MEF2D: variants seen among roughly 807,000 people sequenced by gnomAD.
MEF2D encodes myocyte-specific enhancer factor 2D.
A neutral mutation model predicts 59.3 loss-of-function variants in MEF2D; 10 were observed. That is an observed-to-expected ratio of 0.17 (90% CI 0.10 to 0.29). MEF2D has a LOEUF of 0.29. Among genes scored for constraint, MEF2D ranks in the 10% least tolerant of loss-of-function variants. MEF2D has a pLI of 1.00. For synonymous variants in MEF2D, 305 were observed against 295.0 expected (o/e 1.03, Z -0.35); for missense variants, 508 against 699.4 (o/e 0.73, Z 3.09).
chr1:156,473,415 TTA>T (rs1015350773), intron 9 of MEF2D, among the ~76,000 whole-genome samples: 15 of 152,234 alleles, frequency 9.9e-5, no homozygotes, highest in African/African-American at 3.6e-4. Flanking sequence ...GGGGAGAAGT[TTA>T]TGAGTCTTTT....
intron 6 of MEF2D, 81 bp from the exon 7 acceptor site, chr1:156,477,283 C>G: frequency 8.0e-7 from 1 of 1,252,630 alleles, no homozygotes; most frequent in South Asian, 1.5e-5. Context: ...CACCAATACT[C>G]CTGTTACCCG....
At position 156,482,629 on chromosome 1, in the gene MEF2D, G is replaced by C. The variant is rs377540841; in HGVS notation, c.66C>G (p.Thr22=). Residue 22 remains threonine (T), a synonymous_variant, in exon 3 of 12, where the codon ACC becomes ACG. Coordinates refer to ENST00000348159, the MANE Select transcript of MEF2D (RefSeq NM_005920.4). ...TDERNRQVTF[T]KRKFGLMKKA... is the part of the protein sequence containing the mutation. Reference sequence around the variant, plus strand: ...TCTTCATCAGGCCAAACTTCCGCTTGGTGAAAGTCACCTGCAGAGAAGGAT... The same window carrying C: ...TCTTCATCAGGCCAAACTTCCGCTTCGTGAAAGTCACCTGCAGAGAAGGAT... 18 of 1,614,104 alleles carry C rather than the reference G, an allele frequency of 1.1e-5. No homozygotes were observed. Among genetic ancestry groups the C allele is most frequent in the Non-Finnish European group, 1.4e-5 (17 of 1,180,050 alleles).
At chr1:156,481,380 G>C (rs927571700) in intron 3 of MEF2D, among the ~76,000 whole-genome samples, 1 of 152,144 alleles carries the variant, frequency 6.6e-6, no homozygotes, top group Admixed American at 6.5e-5. Flanking sequence ...AGTTCTCCAG[G>C]GGGAGGTAGG....
intron 1 of MEF2D, among the ~76,000 whole-genome samples, chr1:156,491,357 G>T (rs931835280): frequency 6.6e-6 from 1 of 152,228 alleles, no homozygotes; most frequent in Admixed American, 6.5e-5. Context: ...GGCCCAAAGG[G>T]AAGGGAGATC....
At position 156,465,619 on chromosome 1, in the gene MEF2D, G is replaced by A. The variant is rs540413523; in HGVS notation, c.*2026C>T. ...ACCCAGCCAGGGTCAGAGACACACA[G>A]AGGCACACCCGTGCAACCACACACA... On this transcript the variant is annotated 3_prime_UTR_variant, in exon 12 of 12. Coordinates refer to ENST00000348159, the MANE Select transcript of MEF2D (RefSeq NM_005920.4). 1.0e-4 allele frequency: 16 copies of A among 152,704 alleles called. No individual in the cohort carries two copies. Among genetic ancestry groups the A allele is most frequent in the East Asian group, 3.9e-4 (2 of 5,184 alleles). The allele number at this position is 152,704 out of a possible 1,614,324, so 9.5% of individuals were successfully genotyped here.
In MEF2D at chr1:156,477,218, C is replaced by G. The variant is rs763907996; in HGVS notation, c.665-16G>C. 1 of 1,576,412 alleles carries G rather than the reference C, an allele frequency of 6.3e-7. No homozygotes were observed. ...TAGCCATTCCCTGGAGAAGTGACAACAAGAGGGTAAAAGGAAAAACATGGG... is the reference window on the plus strand; with the variant it reads ...TAGCCATTCCCTGGAGAAGTGACAAGAAGAGGGTAAAAGGAAAAACATGGG... On this transcript the variant is annotated splice_polypyrimidine_tract_variant and intron_variant, in intron 6 of 11. Coordinates refer to ENST00000348159, the MANE Select transcript of MEF2D (RefSeq NM_005920.4).
At position 156,468,258 on chromosome 1, in the gene MEF2D, A is replaced by C; in HGVS notation, c.1289T>G (p.Val430Gly). 6.3e-7 allele frequency: 1 copy of C among 1,585,904 alleles called. No individual in the cohort carries two copies. Among genetic ancestry groups the C allele is most frequent in the Non-Finnish European group, 8.6e-7 (1 of 1,163,728 alleles). Residue 430 changes from valine (V) to glycine (G), a missense_variant, in exon 11 of 12, where the codon GTC becomes GGC. This residue lies in a region of MEF2D where 481 missense variants were observed against 584.7 expected (regional missense o/e 0.82). Coordinates refer to ENST00000348159, the MANE Select transcript of MEF2D (RefSeq NM_005920.4). This position sits in a 1 kb window ranked among gnomAD's most constrained non-coding sequence, Gnocchi z 4.3. ...GATGCTGATGTGGGGGTGGGTGGTG[A>C]CTGTGAGGGCAGCACCCACGTGGGG... ...PLPHVGAALTVTTHPHISIKS... is the reference protein window; with the variant it reads ...PLPHVGAALTGTTHPHISIKS...
In MEF2D at chr1:156,477,046, G is replaced by T. The variant is rs374535815; in HGVS notation, c.821C>A (p.Thr274Asn). 1 of 1,613,956 alleles carries T rather than the reference G, an allele frequency of 6.2e-7. No individual in the cohort carries two copies. Residue 274 changes from threonine (T) to asparagine (N), a missense_variant, in exon 7 of 12, where the codon ACT (threonine) becomes AAT (asparagine). Coordinates refer to ENST00000348159, the MANE Select transcript of MEF2D (RefSeq NM_005920.4). ...PSRKPDLRVI[T>N]SQAGKGLMHH... ...CATTAACCCCTTTCCTGCCTGGGAA[G>T]TGATGACTCGCAGGTCGGGCTTGCG...
chr1:156,468,430 G>C lies in MEF2D; in HGVS notation c.1248-131C>G. On this transcript the variant is annotated intron_variant, in intron 10 of 11. Transcript: ENST00000348159. The surrounding 1 kb of genome is among the most constrained non-coding windows in gnomAD (Gnocchi z 4.3). ...TGAGAATATGGGGGATGGGGTGTTG[G>C]GGAGAGGCAATTGGATGGAGAGTGA... 1.5e-6 allele frequency: 1 copy of C among 683,492 alleles called. No homozygotes were observed. Among genetic ancestry groups the C allele is most frequent in the Non-Finnish European group, 2.4e-6 (1 of 414,134 alleles). 42.3% of individuals were successfully genotyped at this position (683,492 alleles called of 1,614,324 possible).
chr1:156,487,740 AACC>A (rs1672463915), intron 1 of MEF2D, among the ~76,000 whole-genome samples: 1 of 152,192 alleles, frequency 6.6e-6, no homozygotes, highest in Non-Finnish European at 1.5e-5. Flanking sequence ...CTAATTACCT[AACC>A]AACTGGCAGG....
Position 156,479,633 on chromosome 1 carries a change from T to C in MEF2D, c.560A>G (p.Gln187Arg). The change falls in exon 5 of 12, where the codon CAG becomes CGG. Residue 187 changes from glutamine to arginine, a missense_variant. By Grantham distance (43) the Gln-to-Arg change is conservative. Coordinates refer to ENST00000348159, the MANE Select transcript of MEF2D (RefSeq NM_005920.4). The part of the protein sequence containing the change: ...RLLSPQQPAL[Q>R]RNSVSPGLPQ... ...CAGGCCAGGAGACACACTGTTCCTCTGTAGTGCTGGCTGCTGGGGGGACAG... is the reference window on the plus strand; with the variant it reads ...CAGGCCAGGAGACACACTGTTCCTCCGTAGTGCTGGCTGCTGGGGGGACAG... 6.4e-7 allele frequency: 1 copy of C among 1,553,116 alleles called. No individual in the cohort carries two copies. Among genetic ancestry groups the C allele is most frequent in the African/African-American group, 1.4e-5 (1 of 73,334 alleles).
Position 156,469,066 on chromosome 1 carries a change from C to A in MEF2D, c.1007-46G>T, listed in dbSNP as rs766570363. On this transcript the variant is annotated intron_variant, in intron 9 of 11. Coordinates refer to ENST00000348159, the MANE Select transcript of MEF2D (RefSeq NM_005920.4). Reference sequence around the variant, plus strand: ...GATGAACCTGGAGTTGGGGAGAGCACACAGGCTCCTATGAGGGAGCTGCCT... The same window carrying A: ...GATGAACCTGGAGTTGGGGAGAGCAAACAGGCTCCTATGAGGGAGCTGCCT... 8 of 1,554,968 alleles carry A rather than the reference C, an allele frequency of 5.1e-6. No homozygotes were observed. The East Asian group carries it at 1.6e-4, about 31-fold the overall frequency.
At chr1:156,467,698 C>T (rs376361033) in intron 11 of MEF2D, 42 bp from the exon 12 acceptor site, 89 of 1,347,794 alleles carry the variant, frequency 6.6e-5, no homozygotes, top group Non-Finnish European at 7.8e-5. Context: ...GAGGGGGTGG[C>T]CCAGGCTTTG....
chr1:156,473,001 C>T (rs1012842226), intron 9 of MEF2D, among the ~76,000 whole-genome samples: 7 of 151,154 alleles, frequency 4.6e-5, no homozygotes, highest in African/African-American at 1.7e-4. Flanking sequence ...TGAGCCATTG[C>T]GCCCAGCCTT....
chr1:156,489,212 G>A (rs1571261482), intron 1 of MEF2D, among the ~76,000 whole-genome samples: 4 of 152,340 alleles, frequency 2.6e-5, no homozygotes, highest in Admixed American at 2.6e-4. Flanking sequence ...GAAGGCAGGA[G>A]GCGCTGGAGA....
chr1:156,479,671 C>T lies in MEF2D; in HGVS notation c.522G>A (p.Thr174=), dbSNP rs754462966. The change falls in exon 5 of 12, where the codon ACG becomes ACA. Residue 174 remains threonine (T), a synonymous_variant. Transcript: ENST00000348159. The part of the protein sequence containing the change: ...VTPSLVTSSL[T]DPRLLSPQQP... ...GCTGGGGGGACAGGAGCCGCGGGTCCGTGAGGGATGATGTCACCAGGGAAG... is the reference window on the plus strand; with the variant it reads ...GCTGGGGGGACAGGAGCCGCGGGTCTGTGAGGGATGATGTCACCAGGGAAG... The T allele has an allele frequency of 1.7e-5, 26 of 1,551,726 alleles. 1 individual carries two copies. The highest frequency in any genetic ancestry group is 1.7e-4 in the Middle Eastern group (1 of 5,914).
At position 156,473,189 on chromosome 1, in the gene MEF2D, T is replaced by C. The variant is rs1054512128; in HGVS notation, c.1006+1919A>G. ...CGTGCCACTACACCCAGTTGATTTT[T>C]GTATTTTTAGTAGAGATGGGGTTTC... On this transcript the variant is annotated intron_variant, in intron 9 of 11. Transcript: ENST00000348159. Among the ~76,000 whole-genome samples the C allele has an allele frequency of 3.3e-5, 5 of 151,264 alleles. No individual in the cohort carries two copies. The East Asian group carries it at 5.9e-4, about 18-fold the overall frequency.
At chr1:156,487,498 T>A (rs1672448201) in intron 1 of MEF2D, among the ~76,000 whole-genome samples, 1 of 152,212 alleles carries the variant, frequency 6.6e-6, no homozygotes, top group Non-Finnish European at 1.5e-5. Context: ...TATACTGACC[T>A]TTTTTCCTTC....
At chr1:156,498,126 AAC>A (rs1673250052) in intron 1 of MEF2D, among the ~76,000 whole-genome samples, 1 of 149,682 alleles carries the variant, frequency 6.7e-6, no homozygotes, top group African/African-American at 2.4e-5. Context: ...AAAAAAAAAA[AAC>A]CCTGCTACAG....
Sources: gnomAD v4.1 joint callset for allele counts (sites outside exome capture counted in the v4.1 genomes callset) on GRCh38, gnomAD v4.1.1 for gene constraint, gnomAD v4.1.1 regional missense constraint, Gnocchi (gnomAD v3.1) non-coding constraint, MANE v1.5 for transcripts, NCBI Gene and HGNC (gene_info 2026-07-23, HGNC 2026-07-21) for gene names.